The following CLYBL variants were observed in gnomAD, a reference collection of about 807,000 sequenced individuals.
The protein encoded by CLYBL is citramalyl-CoA lyase, mitochondrial.
Under a neutral mutation model 38.9 loss-of-function variants are expected in CLYBL, and 31 were observed. That is an observed-to-expected ratio of 0.80 (90% CI 0.60 to 1.08). The LOEUF (loss-of-function observed/expected upper bound fraction) is 1.08. CLYBL is among the 50% of genes least tolerant of loss of function. The pLI, the probability that CLYBL is intolerant of heterozygous loss-of-function variation, is 0.00. For missense variants in CLYBL, 434 were observed against 411.6 expected (o/e 1.05, Z -0.47); for synonymous variants, 171 against 158.6 (o/e 1.08, Z -0.59).
At chr13:99,637,962 CTTT>C (rs34513643) in intron 1 of CLYBL, among the ~76,000 whole-genome samples, 1,590 of 95,010 alleles carry the variant, frequency 0.017, 47 homozygotes, top group African/African-American at 0.058. Flanking sequence ...TCAACAGTGC[CTTT>C]TTTTTTTTTT....
chr13:99,632,907 A>G (rs2046965765), intron 1 of CLYBL, among the ~76,000 whole-genome samples: 2 of 152,228 alleles, frequency 1.3e-5, no homozygotes, highest in East Asian at 1.9e-4. Flanking sequence ...ATAAAAATGT[A>G]TACACAATGA....
intron 1 of CLYBL, among the ~76,000 whole-genome samples, chr13:99,754,818 T>C (rs1180938335): frequency 6.9e-6 from 1 of 145,290 alleles, no homozygotes; most frequent in Non-Finnish European, 1.5e-5. Flanking sequence ...GGTCTCGAAC[T>C]CCTGACCTCG....
At chr13:99,784,565 G>A (rs189238511) in intron 2 of CLYBL, among the ~76,000 whole-genome samples, 17 of 145,840 alleles carry the variant, frequency 1.2e-4, no homozygotes, top group South Asian at 6.6e-4. Context: ...AGCAATTCTC[G>A]TGCCTCAGCC....
At chr13:99,811,322 G>A (rs191882619) in intron 2 of CLYBL, among the ~76,000 whole-genome samples, 3 of 152,336 alleles carry the variant, frequency 2.0e-5, no homozygotes, top group African/African-American at 7.2e-5. Flanking sequence ...GTGGAGAGGG[G>A]CTGGAAGCCA....
intron 1 of CLYBL, among the ~76,000 whole-genome samples, chr13:99,620,236 C>A (rs941038373): frequency 1.3e-5 from 2 of 152,224 alleles, no homozygotes. Flanking sequence ...CTGATTTTGA[C>A]TCAGAAGTGG....
chr13:99,820,132 G>A (rs1055256495), intron 2 of CLYBL, among the ~76,000 whole-genome samples: 77 of 152,166 alleles, frequency 5.1e-4, no homozygotes, highest in African/African-American at 1.7e-3. Flanking sequence ...GGAGGCTGCT[G>A]TGTCTGTTTC....
chr13:99,739,977 AAAAAAAAC>A (rs202123374), intron 1 of CLYBL, among the ~76,000 whole-genome samples: 2,569 of 152,162 alleles, frequency 0.017, 29 homozygotes, highest in Non-Finnish European at 0.027. Context: ...ATCTTGAGGA[AAAAAAAAC>A]AAAAAAACAA....
At chr13:99,702,588 C>T (rs964806897) in intron 1 of CLYBL, among the ~76,000 whole-genome samples, 2 of 148,098 alleles carry the variant, frequency 1.4e-5, no homozygotes, top group African/African-American at 5.0e-5. Context: ...GCTGAGATCA[C>T]ACCATGGCAC....
chr13:99,904,124 T>A (rs1439251742), intron 8 of CLYBL, among the ~76,000 whole-genome samples: 1 of 152,160 alleles, frequency 6.6e-6, no homozygotes, highest in African/African-American at 2.4e-5. Context: ...AAAGAAGGAC[T>A]TAGAGGTCAC....
intron 1 of CLYBL, among the ~76,000 whole-genome samples, chr13:99,759,549 A>G (rs2138728832): frequency 6.6e-6 from 1 of 152,248 alleles, no homozygotes; most frequent in Admixed American, 6.5e-5. Flanking sequence ...GCCCTGAAAC[A>G]AGCAGTGCAG....
intron 2 of CLYBL, among the ~76,000 whole-genome samples, chr13:99,814,445 A>G (rs2050401869): frequency 6.6e-6 from 1 of 152,244 alleles, no homozygotes; most frequent in Admixed American, 6.5e-5. Flanking sequence ...GGAGAAGACC[A>G]GACACAGTGG....
chr13:99,846,922 A>G lies in CLYBL; in HGVS notation c.250-11939A>G, dbSNP rs1039644776. Among the ~76,000 whole-genome samples, 9 of 152,324 alleles carry G rather than the reference A, an allele frequency of 5.9e-5. No individual in the cohort carries two copies. The South Asian group carries it at 6.2e-4, about 11-fold the overall frequency. ...ACCTGCCCAACTCATACCTGCAGAA[A>G]TTGATGATGGGCAGGGAAATAAGTG... On this transcript the variant is annotated intron_variant, in intron 2 of 8. Coordinates refer to ENST00000339105, the MANE Select transcript of CLYBL (RefSeq NM_206808.5).
chr13:99,657,922 G>C (rs1252963110), intron 1 of CLYBL, among the ~76,000 whole-genome samples: 1 of 152,234 alleles, frequency 6.6e-6, no homozygotes, highest in Non-Finnish European at 1.5e-5. Flanking sequence ...TTCCTTAGGA[G>C]CTGCTCGCCC....
chr13:99,730,553 C>T (rs1003342859), intron 1 of CLYBL, among the ~76,000 whole-genome samples: 1 of 152,178 alleles, frequency 6.6e-6, no homozygotes, highest in Non-Finnish European at 1.5e-5. Flanking sequence ...TGGCTCCCTC[C>T]GGGTATGGAG....
At chr13:99,765,010 C>T (rs778739013) in intron 1 of CLYBL, among the ~76,000 whole-genome samples, 1 of 152,002 alleles carries the variant, frequency 6.6e-6, no homozygotes, top group Non-Finnish European at 1.5e-5. Flanking sequence ...ATTTAATTTA[C>T]CAATGGGTTT....
chr13:99,827,783 A>G lies in CLYBL; in HGVS notation c.250-31078A>G, dbSNP rs1594207165. The stretch of plus-strand genomic sequence containing the variant: ...CTCTCGCTTTGTCCCGACAGGCGCC[A>G]TCGTATGTGGGGATGGGGTATGGTT... On this transcript the variant is annotated intron_variant, in intron 2 of 8. Transcript: ENST00000339105. Among the ~76,000 whole-genome samples, 4 of 152,360 alleles carry G rather than the reference A, an allele frequency of 2.6e-5. No homozygotes were observed. The East Asian group carries it at 7.7e-4, about 29-fold the overall frequency.
chr13:99,626,497 C>T (rs2046871465), intron 1 of CLYBL, among the ~76,000 whole-genome samples: 1 of 152,204 alleles, frequency 6.6e-6, no homozygotes. Flanking sequence ...GTGTTAGTCC[C>T]ATGTCATTTG....
chr13:99,745,673 TC>T, intron 1 of CLYBL, among the ~76,000 whole-genome samples: 1 of 152,158 alleles, frequency 6.6e-6, no homozygotes, highest in East Asian at 1.9e-4. Flanking sequence ...GAAAAAACAA[TC>T]TTAATCTTAT....
intron 7 of CLYBL, among the ~76,000 whole-genome samples, chr13:99,880,050 GTATATA>G (rs4001018): frequency 1.0e-5 from 1 of 97,592 alleles, no homozygotes; most frequent in African/African-American, 3.9e-5. Context: ...ATGTGTGTAT[GTATATA>G]TATATATATA....
Sources: gnomAD v4.1 joint callset for allele counts (sites outside exome capture counted in the v4.1 genomes callset) on GRCh38, gnomAD v4.1.1 for gene constraint, MANE v1.5 for transcripts, NCBI Gene and HGNC (gene_info 2026-07-23, HGNC 2026-07-21) for gene names.